The following GRIP1 variants were observed in gnomAD, a reference collection of about 807,000 sequenced individuals.
The protein encoded by GRIP1 is glutamate receptor-interacting protein 1.
Under a neutral mutation model 129.9 loss-of-function variants are expected in GRIP1, and 45 were observed. That is an observed-to-expected ratio of 0.35 (90% CI 0.27 to 0.44). The LOEUF is 0.44. GRIP1 is among the 20% of genes least tolerant of loss of function. The probability of loss-of-function intolerance (pLI) is 1.00; values close to 1 mark genes in which losing one functional copy is unlikely to be tolerated. For missense variants in GRIP1, 1,196 were observed against 1,396.8 expected (o/e 0.86, Z 2.29); for synonymous variants, 530 against 520.8 (o/e 1.02, Z -0.24).
At chr12:66,969,907 G>A (rs938281105) in intron 1 of GRIP1, among the ~76,000 whole-genome samples, 7 of 151,950 alleles carry the variant, frequency 4.6e-5, no homozygotes, top group South Asian at 4.2e-4. Flanking sequence ...CTCTTTCATC[G>A]CTCCACTTAC....
At chr12:66,971,900 T>C (rs998470738) in intron 1 of GRIP1, among the ~76,000 whole-genome samples, 16 of 152,184 alleles carry the variant, frequency 1.1e-4, no homozygotes, top group East Asian at 1.9e-4. Context: ...TATTTCAATA[T>C]AGCCAGTTCA....
chr12:67,054,823 G>A (rs1592522726), intron 1 of GRIP1, among the ~76,000 whole-genome samples: 1 of 152,076 alleles, frequency 6.6e-6, no homozygotes, highest in East Asian at 1.9e-4. Flanking sequence ...GGGGCATGAG[G>A]GAAAAAACAC....
chr12:66,465,255 G>T lies in GRIP1; in HGVS notation c.872+20C>A. The T allele has an allele frequency of 6.2e-7, 1 of 1,609,992 alleles. No individual in the cohort carries two copies. Among genetic ancestry groups the T allele is most frequent in the Middle Eastern group, 1.7e-4 (1 of 6,040 alleles). On this transcript the variant is annotated intron_variant, in intron 8 of 24. Transcript: ENST00000359742. Reference sequence around the variant, plus strand: ...GCCACTGCGCCTGGCGGAAAAGTAGGCACTTTCTACAATACTTACCTGTCT... The same window carrying T: ...GCCACTGCGCCTGGCGGAAAAGTAGTCACTTTCTACAATACTTACCTGTCT...
chr12:66,793,050 T>C (rs1379576774), intron 1 of GRIP1, among the ~76,000 whole-genome samples: 2 of 152,180 alleles, frequency 1.3e-5, no homozygotes, highest in African/African-American at 4.8e-5. Flanking sequence ...TATAAATAAA[T>C]AAAACTAGTT....
intron 1 of GRIP1, among the ~76,000 whole-genome samples, chr12:66,894,517 G>C (rs898442203): frequency 6.6e-6 from 1 of 152,134 alleles, no homozygotes; most frequent in African/African-American, 2.4e-5. Context: ...GCTCCTTCTA[G>C]CTGCCTATGC....
upstream of GRIP1, among the ~76,000 whole-genome samples, chr12:66,679,868 G>A (rs918702300): frequency 6.6e-6 from 1 of 152,164 alleles, no homozygotes; most frequent in Non-Finnish European, 1.5e-5. Flanking sequence ...GCAGATATTT[G>A]TGAGTATCTG....
At chr12:66,720,633 T>C (rs1164706566) in intron 1 of GRIP1, among the ~76,000 whole-genome samples, 1 of 152,198 alleles carries the variant, frequency 6.6e-6, no homozygotes, top group Non-Finnish European at 1.5e-5. Context: ...CACAGCATTT[T>C]CACTAGGAGT....
chr12:66,388,748 TCATTC>T (rs1247314574), intron 19 of GRIP1, among the ~76,000 whole-genome samples: 1 of 152,208 alleles, frequency 6.6e-6, no homozygotes, highest in Non-Finnish European at 1.5e-5. Flanking sequence ...CAAGGTTTCG[TCATTC>T]CATTCTATTT....
intron 1 of GRIP1, among the ~76,000 whole-genome samples, chr12:66,645,874 G>A (rs1309787409): frequency 6.6e-6 from 1 of 152,158 alleles, no homozygotes; most frequent in East Asian, 1.9e-4. Flanking sequence ...TCAATATCAG[G>A]AGGCTCATAG....
At chr12:66,846,140 A>G (rs569551261) in intron 1 of GRIP1, among the ~76,000 whole-genome samples, 5 of 152,286 alleles carry the variant, frequency 3.3e-5, no homozygotes, top group Admixed American at 1.3e-4. Context: ...TTTGGTGATT[A>G]CTATCATTTA....
intron 15 of GRIP1, among the ~76,000 whole-genome samples, chr12:66,419,309 G>C (rs1042349029): frequency 1.3e-5 from 2 of 151,148 alleles, no homozygotes; most frequent in African/African-American, 2.5e-5. Context: ...GAAGGGTAGT[G>C]GGGGGGTCAG....
intron 1 of GRIP1, among the ~76,000 whole-genome samples, chr12:66,600,859 G>A (rs967238841): frequency 3.9e-5 from 6 of 152,170 alleles, no homozygotes; most frequent in South Asian, 2.1e-4. Context: ...GCTACTGCTC[G>A]CTGAAATGAA....
chr12:66,469,709 T>C (rs2059384621), intron 7 of GRIP1, among the ~76,000 whole-genome samples: 1 of 152,206 alleles, frequency 6.6e-6, no homozygotes, highest in Non-Finnish European at 1.5e-5. Context: ...GACAACAGTC[T>C]ACAGAACATG....
chr12:66,504,219 T>C (rs1474338523), intron 7 of GRIP1, among the ~76,000 whole-genome samples: 4 of 152,206 alleles, frequency 2.6e-5, no homozygotes, highest in Non-Finnish European at 5.9e-5. Flanking sequence ...ACAAAGTCTC[T>C]CTTTTTAGGT....
At chr12:66,743,409 C>G (rs141721248) in intron 1 of GRIP1, among the ~76,000 whole-genome samples, 18 of 152,052 alleles carry the variant, frequency 1.2e-4, no homozygotes, top group African/African-American at 4.1e-4. Context: ...ATTATGAATC[C>G]TAAACAGAGT....
chr12:66,576,160 C>T (rs1263321586), intron 2 of GRIP1, among the ~76,000 whole-genome samples: 1 of 152,124 alleles, frequency 6.6e-6, no homozygotes, highest in Non-Finnish European at 1.5e-5. Flanking sequence ...GGAAGGTAAA[C>T]CACCACCATA....
At chr12:66,385,669 G>A (rs2056327216) in intron 19 of GRIP1, among the ~76,000 whole-genome samples, 1 of 152,212 alleles carries the variant, frequency 6.6e-6, no homozygotes, top group Non-Finnish European at 1.5e-5. Flanking sequence ...GAGTGCAGCA[G>A]CATGACCTTG....
chr12:66,629,360 A>G (rs114565990), intron 1 of GRIP1, among the ~76,000 whole-genome samples: 230 of 152,354 alleles, frequency 1.5e-3, no homozygotes, highest in African/African-American at 5.3e-3. Context: ...GATGACCAGC[A>G]TTTCACAGAG....
intron 11 of GRIP1, among the ~76,000 whole-genome samples, chr12:66,446,538 C>G (rs911038037): frequency 5.3e-5 from 8 of 152,196 alleles, no homozygotes; most frequent in Non-Finnish European, 1.2e-4. Flanking sequence ...ACATACGGTA[C>G]ATTGATTCAA....
Sources: gnomAD v4.1 joint callset for allele counts (sites outside exome capture counted in the v4.1 genomes callset) on GRCh38, gnomAD v4.1.1 for gene constraint, MANE v1.5 for transcripts, NCBI Gene and HGNC (gene_info 2026-07-23, HGNC 2026-07-21) for gene names.